PPARGC1A: variants seen among roughly 807,000 people sequenced by gnomAD.
PPARGC1A encodes PPARG coactivator 1 alpha.
Under a neutral mutation model 88.7 loss-of-function variants are expected in PPARGC1A, and 25 were observed. The observed-to-expected ratio is 0.28, with a 90% CI of 0.21 to 0.39. The LOEUF is 0.39. Ranked by LOEUF, PPARGC1A falls within the 10% of genes least tolerant of loss-of-function variation. PPARGC1A has a pLI of 1.00. For missense variants in PPARGC1A, 880 were observed against 968.7 expected (o/e 0.91, Z 1.22); for synonymous variants, 363 against 355.6 (o/e 1.02, Z -0.24).
At chr4:24,055,363 G>A in the PPARGC1A span, among the ~76,000 whole-genome samples, 1 of 152,180 alleles carries the variant, frequency 6.6e-6, no homozygotes, top group Admixed American at 6.5e-5. Context: ...AACATGAAAT[G>A]AACATGCAGC....
At chr4:24,193,095 A>G in the PPARGC1A span, among the ~76,000 whole-genome samples, 1 of 152,212 alleles carries the variant, frequency 6.6e-6, no homozygotes, top group Non-Finnish European at 1.5e-5. Flanking sequence ...ATGCAAATTT[A>G]AGGATGTTTA....
At chr4:24,248,858 G>T in the PPARGC1A span, among the ~76,000 whole-genome samples, 1 of 152,202 alleles carries the variant, frequency 6.6e-6, no homozygotes, top group African/African-American at 2.4e-5. Context: ...CCTAAGGTCA[G>T]GAATGCACAT....
chr4:23,979,166 G>C, the PPARGC1A span, among the ~76,000 whole-genome samples: 1 of 152,126 alleles, frequency 6.6e-6, no homozygotes. Context: ...AAGAACACTA[G>C]CACCATTTTT....
the PPARGC1A span, among the ~76,000 whole-genome samples, chr4:24,264,147 G>A: frequency 6.6e-6 from 1 of 152,162 alleles, no homozygotes. Flanking sequence ...CTGTTTATGT[G>A]ATCAATAAAG....
At chr4:24,183,310 G>T in the PPARGC1A span, among the ~76,000 whole-genome samples, 1 of 152,140 alleles carries the variant, frequency 6.6e-6, no homozygotes, top group Admixed American at 6.5e-5. Context: ...GACCACTGAG[G>T]CACAGGGTAC....
the PPARGC1A span, among the ~76,000 whole-genome samples, chr4:24,397,387 T>C: frequency 1.3e-5 from 2 of 152,096 alleles, no homozygotes; most frequent in African/African-American, 4.8e-5. Flanking sequence ...CAATATCCAC[T>C]CTCCCCTTCC....
the PPARGC1A span, among the ~76,000 whole-genome samples, chr4:24,066,388 AAG>A: frequency 6.9e-4 from 105 of 152,326 alleles, no homozygotes; most frequent in African/African-American, 1.6e-3. Context: ...CTTCACCTGA[AAG>A]AGAGTTTTAA....
chr4:24,263,978 C>T, the PPARGC1A span, among the ~76,000 whole-genome samples: 431 of 152,050 alleles, frequency 2.8e-3, 1 homozygote, highest in Non-Finnish European at 5.0e-3. Context: ...TTGTACCCCC[C>T]GGGCTCAAGT....
the PPARGC1A span, among the ~76,000 whole-genome samples, chr4:24,328,606 A>C: frequency 6.6e-6 from 1 of 152,206 alleles, no homozygotes; most frequent in African/African-American, 2.4e-5. Context: ...AACTAACATC[A>C]TCTCCCTTCC....
chr4:24,288,089 A>G, the PPARGC1A span, among the ~76,000 whole-genome samples: 1 of 152,072 alleles, frequency 6.6e-6, no homozygotes, highest in Non-Finnish European at 1.5e-5. Context: ...CTCAACATCT[A>G]TATTCATTCT....
chr4:23,800,018 C>T (rs1353241712), intron 12 of PPARGC1A, among the ~76,000 whole-genome samples: 1 of 152,220 alleles, frequency 6.6e-6, no homozygotes, highest in Non-Finnish European at 1.5e-5. Context: ...TGCCTCTCCA[C>T]TGCTTCCTAC....
the PPARGC1A span, among the ~76,000 whole-genome samples, chr4:23,971,173 T>G: frequency 2.0e-5 from 3 of 152,164 alleles, no homozygotes; most frequent in Non-Finnish European, 4.4e-5. Context: ...AAGAATATTA[T>G]CTCTAGATAG....
At chr4:23,951,370 T>C in the PPARGC1A span, among the ~76,000 whole-genome samples, 1 of 151,882 alleles carries the variant, frequency 6.6e-6, no homozygotes, top group East Asian at 1.9e-4. Context: ...TACTAGAAAA[T>C]AAACATAAAA....
At chr4:23,824,529 C>A in intron 5 of PPARGC1A, 21 bp from the exon 6 acceptor site, 1 of 1,563,822 alleles carries the variant, frequency 6.4e-7, no homozygotes, top group South Asian at 1.1e-5. Context: ...AAAAAAGAAA[C>A]TAATTATGTA....
At chr4:24,404,020 T>C in the PPARGC1A span, among the ~76,000 whole-genome samples, 2 of 152,000 alleles carry the variant, frequency 1.3e-5, no homozygotes, top group East Asian at 3.9e-4. Context: ...TCCCAGCACT[T>C]TGGGAGGCTA....
the PPARGC1A span, among the ~76,000 whole-genome samples, chr4:24,250,057 C>T: frequency 2.0e-5 from 3 of 152,158 alleles, no homozygotes; most frequent in Non-Finnish European, 4.4e-5. Context: ...GTATGATGCT[C>T]GTCCTCAGGA....
chr4:24,174,486 C>T, the PPARGC1A span, among the ~76,000 whole-genome samples: 1 of 152,164 alleles, frequency 6.6e-6, no homozygotes, highest in African/African-American at 2.4e-5. Context: ...AAAGGATTTA[C>T]TATAGATTTG....
chr4:23,928,291 G>A, the PPARGC1A span, among the ~76,000 whole-genome samples: 4 of 152,228 alleles, frequency 2.6e-5, no homozygotes, highest in African/African-American at 9.6e-5. Context: ...TAGGCTTCTA[G>A]GCTCTATTTC....
the PPARGC1A span, among the ~76,000 whole-genome samples, chr4:24,244,017 T>C: frequency 3.1e-4 from 47 of 152,362 alleles, no homozygotes; most frequent in African/African-American, 1.1e-3. Context: ...GTTTTTACAA[T>C]CTTTCTATAT....
Sources: gnomAD v4.1 joint callset for allele counts (sites outside exome capture counted in the v4.1 genomes callset) on GRCh38, gnomAD v4.1.1 for gene constraint, MANE v1.5 for transcripts, NCBI Gene and HGNC (gene_info 2026-07-23, HGNC 2026-07-21) for gene names.